The following RPL28 variants were observed in gnomAD, a reference collection of about 807,000 sequenced individuals.
The protein encoded by RPL28 is large ribosomal subunit protein eL28.
In RPL28, 4 loss-of-function variants were observed where a neutral mutation model predicts 12.5. That is an observed-to-expected ratio of 0.32 (90% CI 0.16 to 0.73). RPL28 has a LOEUF of 0.73. Among genes scored for constraint, RPL28 ranks in the 30% least tolerant of loss-of-function variants. The pLI, the probability that RPL28 is intolerant of heterozygous loss-of-function variation, is 0.66. For synonymous variants in RPL28, 91 were observed against 72.5 expected (o/e 1.26, Z -1.30); for missense variants, 214 against 197.7 (o/e 1.08, Z -0.49).
chr19:55,403,126 T>A (rs764464739), exon 5 of RPL28: 5 of 803,010 alleles, frequency 6.2e-6, no homozygotes, highest in Non-Finnish European at 1.0e-5. Context: ...CACCCCCGAG[T>A]TGTGACAACC....
In RPL28 at chr19:55,390,765, G is replaced by A; in HGVS notation, c.*2433G>A. 1 of 985,490 alleles carries A rather than the reference G, an allele frequency of 1.0e-6. No homozygotes were observed. Among genetic ancestry groups the A allele is most frequent in the Non-Finnish European group, 1.2e-6 (1 of 829,978 alleles). 61.0% of individuals were successfully genotyped at this position (985,490 alleles called of 1,614,324 possible). The stretch of plus-strand genomic sequence containing the variant: ...ATCTGAATGCTATCGGTGGGTTGGG[G>A]TGGAGGAACCAGGAGAGGGCTGGAG... On this transcript the variant is annotated 3_prime_UTR_variant, in exon 5 of 5. Coordinates refer to ENST00000344063, the MANE Select transcript of RPL28 (RefSeq NM_000991.5).
exon 5 of RPL28, chr19:55,402,991 C>G: frequency 6.5e-7 from 1 of 1,534,770 alleles, no homozygotes; most frequent in Non-Finnish European, 8.7e-7. Context: ...CCTGGAGCAC[C>G]AGCCTAGACC....
chr19:55,395,686 G>A (rs766647390), downstream of RPL28, among the ~76,000 whole-genome samples: 128 of 145,384 alleles, frequency 8.8e-4, no homozygotes, highest in South Asian at 2.5e-3. Flanking sequence ...CTTGTGATCT[G>A]CCCACCTTGG....
chr19:55,403,312 A>G (rs1206104157), downstream of RPL28: 13 of 556,358 alleles, frequency 2.3e-5, no homozygotes, highest in South Asian at 2.9e-4. Flanking sequence ...ATGAGACCCC[A>G]TCTCTGCAAA....
In RPL28 at chr19:55,386,414, G is replaced by C. The variant is rs746168575; in HGVS notation, c.57G>C (p.Lys19Asn). The change falls in exon 2 of 5, where the codon AAG (lysine) becomes AAC (asparagine). Residue 19 changes from lysine (K) to asparagine (N), a missense_variant. By Grantham distance (94) the Lys-to-Asn change is moderately conservative. Coordinates refer to ENST00000344063, the MANE Select transcript of RPL28 (RefSeq NM_000991.5). ...VVRNCSSFLI[K>N]RNKQTYSTEP... ...GGAACTGCTCCAGTTTCCTGATCAA[G>C]AGGAATAAGCAGACCTACAGCACTG... 6.2e-7 allele frequency: 1 copy of C among 1,614,024 alleles called. No individual in the cohort carries two copies.
Position 55,386,679 on chromosome 19 carries a change from T to G in RPL28, c.191T>G (p.Ile64Ser). ...AADGKGVVVV[I>S]KRRSGQRKPA... ...GACGGCAAAGGTGTCGTGGTGGTCA[T>G]TAAGCGGAGATCCGGTGAGTTTTGT... The change falls in exon 3 of 5, where the codon ATT becomes AGT. Residue 64 changes from isoleucine (I) to serine (S), a missense_variant. Transcript: ENST00000344063. 1 of 1,614,144 alleles carries G rather than the reference T, an allele frequency of 6.2e-7. No homozygotes were observed. The highest frequency in any genetic ancestry group is 8.5e-7 in the Non-Finnish European group (1 of 1,180,018).
chr19:55,402,731 T>TA (rs2090069567), intron 4 of RPL28, among the ~76,000 whole-genome samples: 1 of 152,148 alleles, frequency 6.6e-6, no homozygotes, highest in Admixed American at 6.6e-5. Flanking sequence ...TAGCAGCAAG[T>TA]AGGCCTGGAG....
In RPL28 at chr19:55,388,298, A is replaced by C; in HGVS notation, c.380A>C (p.Lys127Thr). The change falls in exon 5 of 5, where the codon AAG becomes ACG. Residue 127 changes from lysine to threonine, a missense_variant. Coordinates refer to ENST00000344063, the MANE Select transcript of RPL28 (RefSeq NM_000991.5). ...ILRSQKPVMV[K>T]RKRTRPTKSS is the part of the protein sequence containing the mutation. ...CGCAGCCAGAAGCCTGTGATGGTGA[A>C]GAGGAAGCGGACCCGCCCCACCAAG... is the stretch of plus-strand genomic sequence containing the variant. The C allele has an allele frequency of 6.3e-7, 1 of 1,584,336 alleles. No homozygotes were observed. The highest frequency in any genetic ancestry group is 8.6e-7 in the Non-Finnish European group (1 of 1,165,630).
In RPL28 at chr19:55,388,524, C is replaced by T. The variant is rs2089958732; in HGVS notation, c.*192C>T. ...TGGCCATGCAGGAGGGGTGGGGTAGCTGCCTTGTCCCTGGTGAGGGCAAGG... is the reference window on the plus strand; with the variant it reads ...TGGCCATGCAGGAGGGGTGGGGTAGTTGCCTTGTCCCTGGTGAGGGCAAGG... On this transcript the variant is annotated 3_prime_UTR_variant, in exon 5 of 5. Transcript: ENST00000344063. 2.3e-6 allele frequency: 3 copies of T among 1,293,170 alleles called. No individual in the cohort carries two copies. The highest frequency in any genetic ancestry group is 4.0e-5 in the Admixed American group (1 of 25,206). 80.1% of individuals were successfully genotyped at this position (1,293,170 alleles called of 1,614,324 possible).
chr19:55,397,528 C>A (rs948881928), intron 4 of RPL28, among the ~76,000 whole-genome samples: 1 of 152,054 alleles, frequency 6.6e-6, no homozygotes, highest in Non-Finnish European at 1.5e-5. Context: ...TACAGGCGCC[C>A]GCCACCACGC....
chr19:55,390,828 C>G lies in RPL28; in HGVS notation c.*2496C>G. ...TCTCAGCCCCACAGAGTTTGGAGTC[C>G]TCAGTGTGCTGAGCAAACGTGGAGA... On this transcript the variant is annotated 3_prime_UTR_variant, in exon 5 of 5. Transcript: ENST00000344063. The G allele has an allele frequency of 1.0e-6, 1 of 985,398 alleles. No homozygotes were observed. Among genetic ancestry groups the G allele is most frequent in the Admixed American group, 6.1e-5 (1 of 16,284 alleles). 61.0% of individuals were successfully genotyped at this position (985,398 alleles called of 1,614,324 possible). A position where few individuals can be genotyped will look rare whatever the true frequency, so the allele number is the denominator to read the frequency against.
Position 55,389,870 on chromosome 19 carries a change from C to T in RPL28, c.*1538C>T. 1.0e-6 allele frequency: 1 copy of T among 985,452 alleles called. No individual in the cohort carries two copies. Among genetic ancestry groups the T allele is most frequent in the Middle Eastern group, 5.2e-4 (1 of 1,910 alleles). 61.0% of individuals were successfully genotyped at this position (985,452 alleles called of 1,614,324 possible). ...CCCACCTCCAGCTGGCCTCACTCCG[C>T]TGGTGACTTCGTACCTGCTCAGGAG... On this transcript the variant is annotated 3_prime_UTR_variant, in exon 5 of 5. Transcript: ENST00000344063.
chr19:55,399,927 C>G (rs1293147322), intron 4 of RPL28: 2 of 152,188 alleles, frequency 1.3e-5, no homozygotes, highest in African/African-American at 2.4e-5. Context: ...ATCTGAAAAT[C>G]TGAAGGGTTT....
Position 55,388,381 on chromosome 19 carries a change from C to A in RPL28, c.*49C>A. On this transcript the variant is annotated 3_prime_UTR_variant, in exon 5 of 5. Transcript: ENST00000344063. ...AGTCAGCTGGCTTTCTCACCTGCCT[C>A]GACTGGGCCTCCCTTTTTGAAACGC... 7.0e-7 allele frequency: 1 copy of A among 1,432,724 alleles called. No homozygotes were observed. Among genetic ancestry groups the A allele is most frequent in the Non-Finnish European group, 9.2e-7 (1 of 1,089,736 alleles). The allele number at this position is 1,432,724 out of a possible 1,614,324, so 88.8% of individuals were successfully genotyped here.
At chr19:55,402,511 T>A (rs2090067590) in intron 4 of RPL28, among the ~76,000 whole-genome samples, 1 of 152,192 alleles carries the variant, frequency 6.6e-6, no homozygotes, top group African/African-American at 2.4e-5. Flanking sequence ...CTGGATCCTC[T>A]GAAGTGGGTC....
Position 55,401,482 on chromosome 19 carries a change from G to A in RPL28, c.325-1461G>A, listed in dbSNP as rs373412596. The stretch of plus-strand genomic sequence containing the variant: ...CTTCTTGTCCGTCTTTTTCTTGGCC[G>A]CCAGCTTCTTATCGCGCTCGCCAGC... On this transcript the variant is annotated intron_variant, in intron 4 of 4. Transcript: ENST00000560055. 1.9e-5 allele frequency: 31 copies of A among 1,608,422 alleles called. No individual in the cohort carries two copies. In the African/African-American group the frequency reaches 2.1e-4, roughly 11 times the overall value.
chr19:55,400,466 C>CAAA (rs1468127694), intron 4 of RPL28: 19 of 152,274 alleles, frequency 1.2e-4, no homozygotes, highest in Admixed American at 1.2e-3. Context: ...TGGGATCTTA[C>CAAA]CCCTGTGATT....
rs1024009471 is a variant in RPL28, at chr19:55,402,878, C to A, written c.325-65C>A. ...TCCCCATGGCAGGAAACCCCAATTC[C>A]CCACCCTCTCTGCCATGTGCCCCAG... On this transcript the variant is annotated intron_variant, in intron 4 of 4. Transcript: ENST00000560055. 125 of 1,382,592 alleles carry A rather than the reference C, an allele frequency of 9.0e-5. 3 individuals carry two copies. In the South Asian group the frequency reaches 1.7e-3, roughly 19 times the overall value. 85.6% of individuals were successfully genotyped at this position (1,382,592 alleles called of 1,614,324 possible).
chr19:55,395,690 A>G (rs28525129), downstream of RPL28, among the ~76,000 whole-genome samples: 76,820 of 150,520 alleles, frequency 0.51, 21,658 homozygotes, highest in African/African-American at 0.77. Flanking sequence ...TGATCTGCCC[A>G]CCTTGGCCTC....
Sources: allele counts gnomAD v4.1 joint callset (sites outside exome capture counted in the v4.1 genomes callset), GRCh38; gene constraint gnomAD v4.1.1; transcripts MANE v1.5; gene names NCBI Gene and HGNC (gene_info 2026-07-23, HGNC 2026-07-21).